LCOR: variants seen among roughly 807,000 people sequenced by gnomAD.
LCOR encodes ligand dependent nuclear receptor corepressor, also known as ligand-dependent corepressor.
Under a neutral mutation model 64.4 loss-of-function variants are expected in LCOR, and 14 were observed. That is an observed-to-expected ratio of 0.22 (90% CI 0.14 to 0.34). The LOEUF (loss-of-function observed/expected upper bound fraction) is 0.34, where lower values mean the gene tolerates loss of function less well. Ranked by LOEUF, LCOR falls within the 10% of genes least tolerant of loss-of-function variation. The pLI is 1.00. For synonymous variants in LCOR, 643 were observed against 642.5 expected (o/e 1.00, Z -0.01); for missense variants, 1,686 against 1,765.3 (o/e 0.96, Z 0.80).
In LCOR at chr10:96,992,020, A is replaced by T. The variant is rs1336632071; in HGVS notation, c.*6886A>T. ...TAAACCCCAGTTTTCTGTGATCTGCACCTCATAGTTGTCTTGTAGCTAAAG... is the reference window on the plus strand; with the variant it reads ...TAAACCCCAGTTTTCTGTGATCTGCTCCTCATAGTTGTCTTGTAGCTAAAG... On this transcript the variant is annotated 3_prime_UTR_variant, in exon 8 of 8. Coordinates refer to ENST00000421806, the MANE Select transcript of LCOR (RefSeq NM_001346516.2). 1 of 152,274 alleles carries T rather than the reference A, an allele frequency of 6.6e-6. No individual in the cohort carries two copies. The highest frequency in any genetic ancestry group is 1.5e-5 in the Non-Finnish European group (1 of 68,020). 9.4% of individuals were successfully genotyped at this position (152,274 alleles called of 1,614,324 possible). A position where few individuals can be genotyped will look rare whatever the true frequency, so the allele number is the denominator to read the frequency against.
chr10:96,841,772 TA>T (rs893223870), intron 2 of LCOR, among the ~76,000 whole-genome samples: 1 of 150,854 alleles, frequency 6.6e-6, no homozygotes, highest in South Asian at 2.1e-4. Context: ...AAATAAATAA[TA>T]AAAAAATATA....
chr10:96,881,573 CAACCTCCCAA>C (rs1443066886), intron 2 of LCOR, among the ~76,000 whole-genome samples: 1 of 151,976 alleles, frequency 6.6e-6, no homozygotes, highest in Non-Finnish European at 1.5e-5. Context: ...TCTCCTCCCT[CAACCTCCCAA>C]GTAACTGGGA....
At chr10:96,946,072 A>G (rs754015275) in intron 5 of LCOR, among the ~76,000 whole-genome samples, 2 of 152,034 alleles carry the variant, frequency 1.3e-5, no homozygotes, top group Non-Finnish European at 2.9e-5. Context: ...CAGGCATGTG[A>G]TGCTCAGAGA....
At chr10:96,911,308 G>A (rs930914906) in intron 4 of LCOR, among the ~76,000 whole-genome samples, 1 of 152,028 alleles carries the variant, frequency 6.6e-6, no homozygotes, top group Non-Finnish European at 1.5e-5. Context: ...GTGTTGGCCA[G>A]GCTGGTCTTG....
chr10:96,934,619 T>A (rs1302374854), intron 4 of LCOR, among the ~76,000 whole-genome samples: 1 of 152,150 alleles, frequency 6.6e-6, no homozygotes, highest in African/African-American at 2.4e-5. Flanking sequence ...TTTATTTTTT[T>A]AAGACAGAGT....
intron 4 of LCOR, among the ~76,000 whole-genome samples, chr10:96,940,522 CGAG>C (rs1322015598): frequency 8.8e-6 from 1 of 113,494 alleles, no homozygotes; most frequent in Non-Finnish European, 1.8e-5. Context: ...TGACTCTTAA[CGAG>C]CATGCTGCCT....
rs1428158983 is a variant in LCOR at position 96,980,871 on chromosome 10, G to C, written c.411G>C (p.Leu137=). The stretch of plus-strand genomic sequence containing the variant: ...CACTGGAGAAATTTATGGTCAAACT[G>C]TGTACTCATCATCAAAAGCAATTCA... ...KSPLEKFMVK[L]CTHHQKQFIR... Residue 137 remains leucine, a synonymous_variant, in exon 8 of 8, where the codon CTG becomes CTC. Coordinates refer to ENST00000421806, the MANE Select transcript of LCOR (RefSeq NM_001346516.2). 1.4e-6 allele frequency: 1 copy of C among 703,008 alleles called. No homozygotes were observed. Among genetic ancestry groups the C allele is most frequent in the Admixed American group, 2.0e-5 (1 of 50,016 alleles). 43.5% of individuals were successfully genotyped at this position (703,008 alleles called of 1,614,324 possible).
chr10:96,951,481 A>C (rs1005790510), intron 6 of LCOR, among the ~76,000 whole-genome samples: 1 of 152,164 alleles, frequency 6.6e-6, no homozygotes, highest in Admixed American at 6.5e-5. Context: ...ATTGAATATA[A>C]GTATACATTT....
rs780980240 is a variant in LCOR, at chr10:96,983,131, C to T, written c.2671C>T (p.Arg891Cys). 9.3e-6 allele frequency: 15 copies of T among 1,613,652 alleles called. No homozygotes were observed. Among genetic ancestry groups the T allele is most frequent in the South Asian group, 2.2e-5 (2 of 91,058 alleles). ...CACAGAAAAGCCAAGTGTCAATGAA[C>T]GCCCCTCTGAGAAAGATGCTGAGCA... ...EDTEKPSVNE[R>C]PSEKDAEQEG... Residue 891 changes from arginine to cysteine, a missense_variant, in exon 8 of 8, where the codon CGC becomes TGC. Arg to Cys is a radical substitution (Grantham distance 180). Transcript: ENST00000421806. This position sits in a 1 kb window ranked among gnomAD's most constrained non-coding sequence, Gnocchi z 4.5.
At chr10:96,951,140 T>G (rs994748360) in intron 6 of LCOR, among the ~76,000 whole-genome samples, 38 of 152,128 alleles carry the variant, frequency 2.5e-4, no homozygotes, top group African/African-American at 8.4e-4. Context: ...AACTGAAAAT[T>G]AAAGACATTG....
At chr10:96,840,992 G>A (rs1845530106) in intron 2 of LCOR, among the ~76,000 whole-genome samples, 1 of 152,132 alleles carries the variant, frequency 6.6e-6, no homozygotes, top group Non-Finnish European at 1.5e-5. Flanking sequence ...ACAAAAATTA[G>A]CTTTAGCTGT....
intron 7 of LCOR, chr10:96,959,650 A>C (rs1023337407): frequency 1.3e-5 from 2 of 152,124 alleles, no homozygotes; most frequent in African/African-American, 4.8e-5. Context: ...TGAGCTATAC[A>C]CTTTTTTTCT....
intron 4 of LCOR, among the ~76,000 whole-genome samples, chr10:96,926,569 G>T (rs542504173): frequency 6.6e-6 from 1 of 152,210 alleles, no homozygotes; most frequent in Admixed American, 6.5e-5. Flanking sequence ...CACTGAGATA[G>T]TATTTATGTA....
At chr10:96,942,552 T>G (rs913630151) in intron 4 of LCOR, among the ~76,000 whole-genome samples, 7 of 152,250 alleles carry the variant, frequency 4.6e-5, no homozygotes, top group Non-Finnish European at 1.0e-4. Context: ...TACTGTGCCT[T>G]ATATAGCAGT....
At chr10:96,957,337 GAAT>G in intron 7 of LCOR, 1 of 985,026 alleles carries the variant, frequency 1.0e-6, no homozygotes, top group Non-Finnish European at 1.2e-6. Context: ...ACTCCTTGAA[GAAT>G]ATCTAAGCTT....
At chr10:96,926,902 T>C (rs973277238) in intron 4 of LCOR, among the ~76,000 whole-genome samples, 6 of 152,238 alleles carry the variant, frequency 3.9e-5, no homozygotes, top group African/African-American at 1.4e-4. Context: ...CTCCATAGCA[T>C]GGATATGCTA....
intron 2 of LCOR, among the ~76,000 whole-genome samples, chr10:96,836,510 GCAAA>G (rs1045910764): frequency 2.6e-5 from 4 of 152,178 alleles, no homozygotes; most frequent in South Asian, 2.1e-4. Context: ...GGCACTGTGG[GCAAA>G]CAAAGTCTGG....
At chr10:96,895,772 A>G (rs950192597) in intron 2 of LCOR, among the ~76,000 whole-genome samples, 2 of 152,132 alleles carry the variant, frequency 1.3e-5, no homozygotes, top group African/African-American at 2.4e-5. Context: ...GTGTCTCCAT[A>G]TGGCTTGTTC....
At chr10:96,878,554 AGGAGGAGACTG>A (rs1164463585) in intron 2 of LCOR, among the ~76,000 whole-genome samples, 1 of 152,204 alleles carries the variant, frequency 6.6e-6, no homozygotes, top group Non-Finnish European at 1.5e-5. Context: ...TTAACCAAGA[AGGAGGAGACTG>A]GGTGGCACAG....
Sources: allele counts gnomAD v4.1 joint callset (sites outside exome capture counted in the v4.1 genomes callset), GRCh38; gene constraint gnomAD v4.1.1; non-coding constraint Gnocchi (gnomAD v3.1); transcripts MANE v1.5; gene names NCBI Gene and HGNC (gene_info 2026-07-23, HGNC 2026-07-21).